CPEB3: variants seen among roughly 807,000 people sequenced by gnomAD.
CPEB3 encodes cytoplasmic polyadenylation element-binding protein 3.
Under a neutral mutation model 67.2 loss-of-function variants are expected in CPEB3, and 20 were observed. The ratio of observed to expected loss-of-function variants is 0.30; its 90% CI spans 0.21 to 0.43. The LOEUF (loss-of-function observed/expected upper bound fraction) is 0.43, where lower values mean the gene tolerates loss of function less well. CPEB3 is among the 20% of genes least tolerant of loss of function. The pLI is 1.00. For missense variants in CPEB3, 746 were observed against 968.6 expected (o/e 0.77, Z 3.05); for synonymous variants, 376 against 393.1 (o/e 0.96, Z 0.51).
intron 4 of CPEB3, among the ~76,000 whole-genome samples, chr10:92,180,090 G>C (rs189974896): frequency 6.6e-6 from 1 of 152,268 alleles, no homozygotes; most frequent in African/African-American, 2.4e-5. Context: ...TTTCCATTTA[G>C]AGACTGTTCT....
intron 8 of CPEB3, among the ~76,000 whole-genome samples, chr10:92,083,201 C>T (rs565040007): frequency 3.3e-4 from 50 of 152,246 alleles, no homozygotes; most frequent in Non-Finnish European, 5.9e-4. Flanking sequence ...AACCTACAAC[C>T]AACTAGTAAT....
intron 3 of CPEB3, among the ~76,000 whole-genome samples, chr10:92,189,435 G>A (rs916679545): frequency 1.3e-5 from 2 of 152,046 alleles, no homozygotes; most frequent in African/African-American, 2.4e-5. Flanking sequence ...CTAGTGCCAG[G>A]GACTTTATTT....
At chr10:92,105,017 C>G (rs1169587091) in intron 7 of CPEB3, among the ~76,000 whole-genome samples, 1 of 152,074 alleles carries the variant, frequency 6.6e-6, no homozygotes, top group Non-Finnish European at 1.5e-5. Context: ...CCTCCTGCCT[C>G]AGCCTCCCAA....
intron 1 of CPEB3, among the ~76,000 whole-genome samples, chr10:92,260,007 C>G (rs1852721863): frequency 6.6e-6 from 1 of 152,156 alleles, no homozygotes; most frequent in African/African-American, 2.4e-5. Context: ...TTCTGCTTGA[C>G]TCTACAGCTG....
chr10:92,061,187 G>A (rs995540302), intron 9 of CPEB3, among the ~76,000 whole-genome samples: 2 of 152,102 alleles, frequency 1.3e-5, no homozygotes, highest in South Asian at 4.1e-4. Context: ...GGGAGGCCAG[G>A]GCAAGTGGAT....
chr10:92,122,135 T>C (rs1845417976), intron 6 of CPEB3, among the ~76,000 whole-genome samples: 1 of 152,008 alleles, frequency 6.6e-6, no homozygotes, highest in Admixed American at 6.6e-5. Context: ...ATAAGCAACA[T>C]TAAAAGCACT....
At chr10:92,275,961 G>T (rs1841962929) in intron 1 of CPEB3, among the ~76,000 whole-genome samples, 1 of 147,544 alleles carries the variant, frequency 6.8e-6, no homozygotes, top group Non-Finnish European at 1.5e-5. Context: ...CCATTCTCCT[G>T]CCTCAGCCTC....
At position 92,192,497 on chromosome 10, in the gene CPEB3, A is replaced by G; in HGVS notation, c.1145T>C (p.Met382Thr). The G allele has an allele frequency of 1.2e-6, 2 of 1,613,958 alleles. No homozygotes were observed. Among genetic ancestry groups the G allele is most frequent in the Non-Finnish European group, 1.7e-6 (2 of 1,179,948 alleles). The change falls in exon 3 of 10, where the codon ATG (methionine) becomes ACG (threonine). Residue 382 changes from methionine (M) to threonine (T), a missense_variant. Met to Thr is a moderately conservative substitution (Grantham distance 81). This residue lies in a region of CPEB3 where 643 missense variants were observed against 717.5 expected (regional missense o/e 0.90). Coordinates refer to ENST00000265997, the MANE Select transcript of CPEB3 (RefSeq NM_014912.5). Reference protein sequence around the residue: ...SGPPMSFADIMWRNHFAGRMG... With the variant: ...SGPPMSFADITWRNHFAGRMG... ...CTAACCTGCAAAATGATTCCTCCAC[A>G]TTATATCAGCGAAACTCATTGGTGG...
chr10:92,198,088 A>G (rs1387919683), intron 2 of CPEB3, among the ~76,000 whole-genome samples: 1 of 152,204 alleles, frequency 6.6e-6, no homozygotes, highest in East Asian at 1.9e-4. Flanking sequence ...CCTGGGTGAC[A>G]CAGTGAGACT....
chr10:92,242,141 T>C (rs1217820324), intron 1 of CPEB3, among the ~76,000 whole-genome samples: 1 of 152,224 alleles, frequency 6.6e-6, no homozygotes, highest in Non-Finnish European at 1.5e-5. Flanking sequence ...TTCATTAGTA[T>C]CTTTTATTTC....
At chr10:92,234,055 G>A (rs989847155) in intron 2 of CPEB3, among the ~76,000 whole-genome samples, 7 of 143,718 alleles carry the variant, frequency 4.9e-5, no homozygotes, top group Non-Finnish European at 7.5e-5. Flanking sequence ...GCAGTAAGCC[G>A]AGATCATACC....
rs762999368 is a variant in CPEB3 at position 92,241,057 on chromosome 10, T to TA, written c.-11-697_-11-696insT. Among the ~76,000 whole-genome samples the TA allele has an allele frequency of 7.6e-4, 115 of 151,486 alleles. 1 individual carries two copies. The highest frequency in any genetic ancestry group is 1.6e-3 in the African/African-American group (64 of 41,188). On this transcript the variant is annotated intron_variant, in intron 1 of 9. Transcript: ENST00000265997. ...CCATTTTGTTAGGAGACAGTTAATT[T>TA]TAAAAAAAACGTTTTTAAAGAAGTA...
chr10:92,240,660 C>A (rs1452413303), intron 1 of CPEB3, among the ~76,000 whole-genome samples: 2 of 152,056 alleles, frequency 1.3e-5, no homozygotes, highest in Non-Finnish European at 2.9e-5. Flanking sequence ...GCAATTTCGC[C>A]ACGTCTCTTT....
At chr10:92,078,389 C>T (rs543968704) in intron 9 of CPEB3, among the ~76,000 whole-genome samples, 9 of 152,266 alleles carry the variant, frequency 5.9e-5, no homozygotes, top group African/African-American at 2.2e-4. Flanking sequence ...TACCTTTCGA[C>T]CTGCCTTAAG....
At position 92,048,833 on chromosome 10, in the gene CPEB3, A is replaced by G. The variant is rs1000969803; in HGVS notation, c.*3379T>C. ...GTTTTAGCTTCAAAAATAACTGAAA[A>G]TGAAAAAAATAAACTTTTAAAGAAT... On this transcript the variant is annotated 3_prime_UTR_variant, in exon 10 of 10. Coordinates refer to ENST00000265997, the MANE Select transcript of CPEB3 (RefSeq NM_014912.5). This position sits in a 1 kb window ranked among gnomAD's most constrained non-coding sequence, Gnocchi z 4.1. 1.3e-5 allele frequency: 2 copies of G among 152,624 alleles called. No individual in the cohort carries two copies. Among genetic ancestry groups the G allele is most frequent in the African/African-American group, 4.8e-5 (2 of 41,444 alleles). The allele number at this position is 152,624 out of a possible 1,614,324, so 9.5% of individuals were successfully genotyped here. A position where few individuals can be genotyped will look rare whatever the true frequency, so the allele number is the denominator to read the frequency against.
intron 7 of CPEB3, among the ~76,000 whole-genome samples, chr10:92,095,700 G>C (rs1316559008): frequency 6.7e-6 from 1 of 149,068 alleles, no homozygotes; most frequent in Non-Finnish European, 1.5e-5. Context: ...ATATTTTGTG[G>C]AGAGTATAAA....
chr10:92,122,470 T>C (rs1246917630), intron 6 of CPEB3, among the ~76,000 whole-genome samples: 4 of 152,334 alleles, frequency 2.6e-5, no homozygotes, highest in South Asian at 2.1e-4. Flanking sequence ...GGATCTCTTA[T>C]TCATTTTCCT....
In CPEB3 at chr10:92,289,553, G is replaced by T. The variant is rs539112416; in HGVS notation, c.-12+1373C>A. Among the ~76,000 whole-genome samples, 87 of 150,616 alleles carry T rather than the reference G, an allele frequency of 5.8e-4. No homozygotes were observed. The Middle Eastern group carries it at 0.01, about 18-fold the overall frequency. Reference sequence around the variant, plus strand: ...CAAGACTCCATCTCTCAAAATCAATGAATTAATTAAATAAATGAATTAATT... The same window carrying T: ...CAAGACTCCATCTCTCAAAATCAATTAATTAATTAAATAAATGAATTAATT... On this transcript the variant is annotated intron_variant, in intron 1 of 9. Coordinates refer to ENST00000265997, the MANE Select transcript of CPEB3 (RefSeq NM_014912.5).
At chr10:92,159,527 C>T (rs369647748) in intron 4 of CPEB3, among the ~76,000 whole-genome samples, 12 of 151,932 alleles carry the variant, frequency 7.9e-5, no homozygotes, top group Admixed American at 4.6e-4. Flanking sequence ...CAAAAATTAG[C>T]CAGGCGTGAT....
Sources: allele counts gnomAD v4.1 joint callset (sites outside exome capture counted in the v4.1 genomes callset), GRCh38; gene constraint gnomAD v4.1.1; regional missense constraint gnomAD v4.1.1; non-coding constraint Gnocchi (gnomAD v3.1); transcripts MANE v1.5; gene names NCBI Gene and HGNC (gene_info 2026-07-23, HGNC 2026-07-21).